Variants in EHF observed in about 807,000 individuals in gnomAD.
EHF encodes the protein ESE3 transcription factor.
In EHF, 14 loss-of-function variants were observed where a neutral mutation model predicts 45.1. The observed-to-expected ratio is 0.31, with a 90% CI of 0.21 to 0.49. EHF has a LOEUF of 0.49. Among genes scored for constraint, EHF ranks in the 20% least tolerant of loss-of-function variants. The pLI, the probability that EHF is intolerant of heterozygous loss-of-function variation, is 0.99. For missense variants in EHF, 282 were observed against 371.4 expected, an observed-to-expected ratio of 0.76 and a Z score of 1.98; for synonymous variants, 136 against 131.8, an observed-to-expected ratio of 1.03 and a Z score of -0.22.
chr11:34,623,665 C>T (rs1320069078), intron 1 of EHF, among the ~76,000 whole-genome samples: 1 of 152,200 alleles, frequency 6.6e-6, no homozygotes, highest in Non-Finnish European at 1.5e-5. Flanking sequence ...CCTATCGGGT[C>T]TCAGGTCAGA....
chr11:34,658,749 G>A (rs774981383), intron 8 of EHF, 21 bp downstream of exon 8: 1 of 1,607,674 alleles, frequency 6.2e-7, no homozygotes, highest in Non-Finnish European at 8.5e-7. Context: ...TCATGTCTCT[G>A]AAAACAAAAA....
chr11:34,651,902 T>G (rs1855208516), intron 6 of EHF, 97 bp downstream of exon 6: 1 of 1,240,048 alleles, frequency 8.1e-7, no homozygotes, highest in African/African-American at 1.5e-5. Flanking sequence ...TCTGGAGTCT[T>G]TCTAATTAAA....
chr11:34,659,142 A>G lies in EHF; in HGVS notation c.*211A>G. On this transcript the variant is annotated 3_prime_UTR_variant, in exon 9 of 9. Coordinates refer to ENST00000257831, the MANE Select transcript of EHF (RefSeq NM_012153.6). ...GAAGTATGTCCTATATGGGGAAAAA[A>G]CGTACACAGTTTTCTGTGAAATATG... 1 of 439,812 alleles carries G rather than the reference A, an allele frequency of 2.3e-6. No homozygotes were observed. Among genetic ancestry groups the G allele is most frequent in the South Asian group, 4.3e-5 (1 of 23,018 alleles). The allele number at this position is 439,812 out of a possible 1,614,324, so 27.2% of individuals were successfully genotyped here.
intron 1 of EHF, among the ~76,000 whole-genome samples, chr11:34,631,181 G>A (rs1852857667): frequency 6.6e-6 from 1 of 152,078 alleles, no homozygotes; most frequent in African/African-American, 2.4e-5. Context: ...ACAGGCACAT[G>A]CCACCATGCC....
At chr11:34,632,796 T>C in intron 1 of EHF, 1 of 990,962 alleles carries the variant, frequency 1.0e-6, no homozygotes, top group Non-Finnish European at 1.5e-6. Context: ...TTGTGAATAG[T>C]CCATCAGGGT....
intron 1 of EHF, among the ~76,000 whole-genome samples, chr11:34,623,429 AGT>A: frequency 1.3e-5 from 2 of 152,166 alleles, no homozygotes; most frequent in African/African-American, 4.8e-5. Context: ...GTGATCTCCC[AGT>A]GGAAGTATCT....
chr11:34,623,042 T>C (rs900695046), intron 1 of EHF, among the ~76,000 whole-genome samples: 1 of 152,148 alleles, frequency 6.6e-6, no homozygotes, highest in African/African-American at 2.4e-5. Context: ...TCAATTGTAT[T>C]TGTTATTTTT....
intron 1 of EHF, among the ~76,000 whole-genome samples, chr11:34,624,745 A>G (rs142284949): frequency 3.7e-4 from 56 of 152,250 alleles, no homozygotes; most frequent in African/African-American, 1.3e-3. Context: ...AATGTTTATT[A>G]TTCTTCAGAG....
rs184607970 is a variant in EHF, at chr11:34,638,611, G to C, written c.-3-4017G>C. 3.0e-4 allele frequency among the ~76,000 whole-genome samples: 45 copies of C among 152,224 alleles called. No homozygotes were observed. In the East Asian group the frequency reaches 6.4e-3, roughly 22 times the overall value. On this transcript the variant is annotated intron_variant, in intron 1 of 8. Transcript: ENST00000257831. Reference sequence around the variant, plus strand: ...CCTCAGGGACATGGTGTGTGTGGAGGGGGTGCTGCTGGCATCTAGAGGGTA... The same window carrying C: ...CCTCAGGGACATGGTGTGTGTGGAGCGGGTGCTGCTGGCATCTAGAGGGTA...
chr11:34,638,252 T>A (rs960336152), intron 1 of EHF, among the ~76,000 whole-genome samples: 2 of 152,196 alleles, frequency 1.3e-5, no homozygotes, highest in Admixed American at 1.3e-4. Flanking sequence ...TCTTTGTGTG[T>A]GCAGTTTGTA....
intron 1 of EHF, 107 bp from the exon 2 acceptor site, chr11:34,642,521 G>A (rs1842888780): frequency 1.4e-6 from 1 of 720,156 alleles, no homozygotes; most frequent in Admixed American, 2.2e-5. Flanking sequence ...ATGGGTGGAA[G>A]GACAAATTCT....
intron 1 of EHF, chr11:34,632,744 A>G: frequency 6.9e-7 from 1 of 1,442,572 alleles, no homozygotes; most frequent in South Asian, 1.2e-5. Flanking sequence ...ATGAGCTCAG[A>G]TGACTTTGGA....
intron 1 of EHF, among the ~76,000 whole-genome samples, chr11:34,639,410 TATA>T (rs1386363995): frequency 6.6e-6 from 1 of 152,206 alleles, no homozygotes; most frequent in African/African-American, 2.4e-5. Context: ...GTGAGTTCGT[TATA>T]ATAAGGTTTT....
At chr11:34,647,446 G>C (rs1854674550) in intron 3 of EHF, among the ~76,000 whole-genome samples, 1 of 152,194 alleles carries the variant, frequency 6.6e-6, no homozygotes, top group African/African-American at 2.4e-5. Flanking sequence ...GTAAGACCTA[G>C]TAGGGTGGAC....
chr11:34,622,266 AG>A, intron 1 of EHF: 2 of 296,978 alleles, frequency 6.7e-6, no homozygotes, highest in South Asian at 3.6e-5. Context: ...TGTGTTTTTA[AG>A]ATGGAGAGTG....
rs1188989987 is a variant in EHF at position 34,663,224 on chromosome 11, A to T, written c.*4293A>T. 6.6e-6 allele frequency among the ~76,000 whole-genome samples: 1 copy of T among 152,164 alleles called. No homozygotes were observed. The highest frequency in any genetic ancestry group is 2.4e-5 in the African/African-American group (1 of 41,452). ...TTGTCAAAGAATTATATTTTTCAAA[A>T]TATGTTTATTTGTTTGATGGGTCCC... is the stretch of plus-strand genomic sequence containing the variant. On this transcript the variant is annotated 3_prime_UTR_variant, in exon 9 of 9. Transcript: ENST00000257831.
intron 1 of EHF, among the ~76,000 whole-genome samples, chr11:34,636,841 T>TGGC (rs1441742929): frequency 5.9e-5 from 9 of 152,016 alleles, no homozygotes; most frequent in Admixed American, 3.9e-4. Context: ...GAGACCAGCC[T>TGGC]CAACATGGAG....
intron 1 of EHF, among the ~76,000 whole-genome samples, chr11:34,638,325 G>A (rs78475621): frequency 5.3e-5 from 8 of 152,306 alleles, no homozygotes; most frequent in Non-Finnish European, 7.4e-5. Context: ...ACAGACAAAG[G>A]TGGCTCTGAT....
intron 7 of EHF, 49 bp downstream of exon 7, chr11:34,657,019 G>C (rs371217086): frequency 6.2e-7 from 1 of 1,605,976 alleles, no homozygotes; most frequent in South Asian, 1.1e-5. Flanking sequence ...CATCACATCG[G>C]GCACATCTGG....
Sources: allele counts gnomAD v4.1 joint callset (sites outside exome capture counted in the v4.1 genomes callset), GRCh38; gene constraint gnomAD v4.1.1; transcripts MANE v1.5; gene names NCBI Gene and HGNC (gene_info 2026-07-23, HGNC 2026-07-21).